Variants in COL25A1 observed in about 807,000 individuals in gnomAD.
COL25A1 encodes the protein collagen alpha-1(XXV) chain.
A neutral mutation model predicts 128.4 loss-of-function variants in COL25A1; 103 were observed. The observed-to-expected ratio is 0.80, with a 90% CI of 0.68 to 0.94. The LOEUF is 0.94. Ranked by LOEUF, COL25A1 falls within the 40% of genes least tolerant of loss-of-function variation. The probability of loss-of-function intolerance (pLI) is 0.00; values close to 1 mark genes in which losing one functional copy is unlikely to be tolerated. For missense variants in COL25A1, 745 were observed against 840.0 expected, an observed-to-expected ratio of 0.89 and a Z score of 1.40; for synonymous variants, 279 against 277.2, an observed-to-expected ratio of 1.01 and a Z score of -0.06.
At chr4:109,265,518 C>T (rs1371796664) in intron 3 of COL25A1, among the ~76,000 whole-genome samples, 4 of 129,602 alleles carry the variant, frequency 3.1e-5, no homozygotes, top group Non-Finnish European at 5.0e-5. Context: ...AATAACAGTA[C>T]GTGTGTGTGT....
intron 5 of COL25A1, among the ~76,000 whole-genome samples, chr4:109,021,302 T>G (rs1757728335): frequency 2.0e-5 from 3 of 152,190 alleles, no homozygotes. Flanking sequence ...AGTTAGAACT[T>G]TCACTGTTGC....
intron 3 of COL25A1, among the ~76,000 whole-genome samples, chr4:109,156,857 G>A (rs1035635990): frequency 6.6e-6 from 1 of 152,044 alleles, no homozygotes; most frequent in African/African-American, 2.4e-5. Context: ...CTGTGTATAG[G>A]TACTGTACCT....
intron 3 of COL25A1, among the ~76,000 whole-genome samples, chr4:109,186,934 T>C (rs1273820268): frequency 2.6e-5 from 4 of 152,176 alleles, no homozygotes; most frequent in Non-Finnish European, 4.4e-5. Flanking sequence ...ATTCAAACTA[T>C]TGATGGTCTA....
chr4:108,897,593 GA>G (rs1486331887), intron 15 of COL25A1, among the ~76,000 whole-genome samples: 1 of 152,142 alleles, frequency 6.6e-6, no homozygotes, highest in Non-Finnish European at 1.5e-5. Flanking sequence ...ACAGTTATAA[GA>G]AATAAGTACT....
intron 5 of COL25A1, among the ~76,000 whole-genome samples, chr4:109,047,858 G>A (rs566815641): frequency 6.7e-5 from 10 of 150,350 alleles, no homozygotes; most frequent in African/African-American, 9.8e-5. Context: ...TCAGCCGCCC[G>A]AGTAGCTGGG....
chr4:109,070,638 TA>T (rs1156463379), intron 3 of COL25A1, among the ~76,000 whole-genome samples: 1 of 151,474 alleles, frequency 6.6e-6, no homozygotes, highest in Non-Finnish European at 1.5e-5. Flanking sequence ...CTGCACCCAT[TA>T]ACTCGTCATT....
intron 3 of COL25A1, among the ~76,000 whole-genome samples, chr4:109,177,538 T>C (rs1774213587): frequency 6.6e-6 from 1 of 152,162 alleles, no homozygotes; most frequent in Non-Finnish European, 1.5e-5. Context: ...GATGCTGAAC[T>C]TTTAGACCAA....
At chr4:109,097,437 T>TA (rs35833171) in intron 3 of COL25A1, among the ~76,000 whole-genome samples, 30,215 of 116,964 alleles carry the variant, frequency 0.26, 4,382 homozygotes, top group African/African-American at 0.43. Flanking sequence ...AAACCCTGTC[T>TA]AAAAAAAAAA....
chr4:109,131,954 C>T (rs552115219), intron 3 of COL25A1, among the ~76,000 whole-genome samples: 1 of 152,288 alleles, frequency 6.6e-6, no homozygotes, highest in African/African-American at 2.4e-5. Flanking sequence ...GGGACTCAAA[C>T]AGAAAGGAGC....
At chr4:109,089,166 T>C (rs1009476595) in intron 3 of COL25A1, among the ~76,000 whole-genome samples, 1 of 152,130 alleles carries the variant, frequency 6.6e-6, no homozygotes, top group Non-Finnish European at 1.5e-5. Context: ...AGCCATCACA[T>C]TGTGGGAAAA....
chr4:109,065,562 G>A (rs1308108258), intron 3 of COL25A1, among the ~76,000 whole-genome samples: 1 of 151,890 alleles, frequency 6.6e-6, no homozygotes, highest in African/African-American at 2.4e-5. Flanking sequence ...GTGTGTGTGT[G>A]TGTGTGTGTG....
chr4:108,854,157 C>T (rs1400424792), intron 24 of COL25A1: 1 of 152,132 alleles, frequency 6.6e-6, no homozygotes, highest in Non-Finnish European at 1.5e-5. Context: ...GGAAAACTGG[C>T]TAGCCATATG....
chr4:109,096,265 A>G (rs952649739), intron 3 of COL25A1, among the ~76,000 whole-genome samples: 32 of 152,338 alleles, frequency 2.1e-4, no homozygotes, highest in African/African-American at 7.2e-4. Flanking sequence ...GATTACTGTC[A>G]TGCACCACAT....
chr4:109,021,732 A>T, intron 5 of COL25A1: 1 of 453,484 alleles, frequency 2.2e-6, no homozygotes, highest in Non-Finnish European at 4.4e-6. Context: ...TTTCCTAGCA[A>T]GGAATATAAT....
intron 16 of COL25A1, among the ~76,000 whole-genome samples, chr4:108,893,217 GA>G (rs547882631): frequency 1.3e-5 from 2 of 150,014 alleles, no homozygotes; most frequent in African/African-American, 2.4e-5. Flanking sequence ...GGGGAGCAAA[GA>G]AAAAAAAACA....
chr4:109,226,789 G>A (rs960773839), intron 3 of COL25A1, among the ~76,000 whole-genome samples: 2 of 152,048 alleles, frequency 1.3e-5, no homozygotes, highest in Non-Finnish European at 2.9e-5. Flanking sequence ...CAGAACACGT[G>A]ATAGGCCACC....
At chr4:109,118,933 A>G (rs1040811032) in intron 3 of COL25A1, among the ~76,000 whole-genome samples, 6 of 152,046 alleles carry the variant, frequency 3.9e-5, no homozygotes, top group Admixed American at 1.3e-4. Context: ...TCAATTTCAC[A>G]TGAAACATTC....
chr4:109,006,678 G>T (rs1040951480), intron 6 of COL25A1, among the ~76,000 whole-genome samples: 2 of 152,058 alleles, frequency 1.3e-5, no homozygotes, highest in South Asian at 4.1e-4. Context: ...GTTAATGTAA[G>T]ATTTAATTTT....
chr4:108,965,576 T>C (rs1751204417), intron 8 of COL25A1, among the ~76,000 whole-genome samples: 1 of 152,164 alleles, frequency 6.6e-6, no homozygotes, highest in Non-Finnish European at 1.5e-5. Flanking sequence ...TTTAAGTCAC[T>C]AAGATAGAGA....
Sources: gnomAD v4.1 joint callset for allele counts (sites outside exome capture counted in the v4.1 genomes callset) on GRCh38, gnomAD v4.1.1 for gene constraint, MANE v1.5 for transcripts, NCBI Gene and HGNC (gene_info 2026-07-23, HGNC 2026-07-21) for gene names.